DZIP1L: variants seen among roughly 807,000 people sequenced by gnomAD.
DZIP1L encodes DAZ interacting zinc finger protein 1 like, also known as cilium assembly protein DZIP1L.
In DZIP1L, 90 loss-of-function variants were observed where a neutral mutation model predicts 88.7. The observed-to-expected ratio is 1.02, with a 90% CI of 0.86 to 1.21. The LOEUF (loss-of-function observed/expected upper bound fraction) is 1.21. Ranked by LOEUF, DZIP1L falls within the 50% of genes most tolerant of loss-of-function variation. The pLI is 0.00. For synonymous variants in DZIP1L, 363 were observed against 372.1 expected, an observed-to-expected ratio of 0.98 and a Z score of 0.28; for missense variants, 932 against 955.8, an observed-to-expected ratio of 0.98 and a Z score of 0.33.
At position 138,084,024 on chromosome 3, in the gene DZIP1L, A is replaced by T. The variant is rs1222176449; in HGVS notation, c.1203+89T>A. ...AAGGAGCCTGAGTGGTAAGACTAGC[A>T]CTGATGAGCCCAAAAGAATCCAAGG... is the stretch of plus-strand genomic sequence containing the variant. On this transcript the variant is annotated intron_variant, in intron 8 of 15. Coordinates refer to ENST00000327532, the MANE Select transcript of DZIP1L (RefSeq NM_173543.3). 7.8e-6 allele frequency: 12 copies of T among 1,540,212 alleles called. No homozygotes were observed. In the African/African-American group the frequency reaches 1.5e-4, roughly 19 times the overall value.
At chr3:138,068,080 C>T in intron 13 of DZIP1L, 71 bp downstream of exon 13, 1 of 1,338,420 alleles carries the variant, frequency 7.5e-7, no homozygotes, top group Non-Finnish European at 9.8e-7. Flanking sequence ...TGGAGGGAGC[C>T]CAGAACAGGA....
chr3:138,074,651 C>T (rs1329123320), intron 11 of DZIP1L, among the ~76,000 whole-genome samples: 2 of 148,558 alleles, frequency 1.3e-5, no homozygotes, highest in Admixed American at 1.3e-4. Context: ...CACATGTATA[C>T]AGAAACAAAT....
At chr3:138,080,051 G>C (rs1943575297) in intron 10 of DZIP1L, among the ~76,000 whole-genome samples, 1 of 152,144 alleles carries the variant, frequency 6.6e-6, no homozygotes, top group East Asian at 1.9e-4. Flanking sequence ...GCGAATCAGA[G>C]TCAATCACTG....
In DZIP1L at chr3:138,077,642, G is replaced by A; in HGVS notation, c.1289-10C>T. ...TGGGAGTCCTCCATCTCTGTAGCATGAGACATTCACCCAGATCAGCCTGGG... is the reference window on the plus strand; with the variant it reads ...TGGGAGTCCTCCATCTCTGTAGCATAAGACATTCACCCAGATCAGCCTGGG... On this transcript the variant is annotated splice_polypyrimidine_tract_variant and intron_variant, in intron 10 of 15. Transcript: ENST00000327532. The A allele has an allele frequency of 2.5e-6, 4 of 1,613,848 alleles. No individual in the cohort carries two copies. Among genetic ancestry groups the A allele is most frequent in the Non-Finnish European group, 3.4e-6 (4 of 1,179,906 alleles).
chr3:138,090,406 G>A (rs1944152824), intron 5 of DZIP1L, among the ~76,000 whole-genome samples: 1 of 152,170 alleles, frequency 6.6e-6, no homozygotes, highest in South Asian at 2.1e-4. Context: ...AAGTGTGGGG[G>A]TCAGGAGATG....
At chr3:138,115,153 A>T (rs2042671840) in intron 1 of DZIP1L, among the ~76,000 whole-genome samples, 175 bp downstream of exon 1, 1 of 152,026 alleles carries the variant, frequency 6.6e-6, no homozygotes, top group Non-Finnish European at 1.5e-5. Context: ...CGCCCTGGGC[A>T]GCGCGGACGC....
At chr3:138,095,231 T>C (rs59699263) in intron 3 of DZIP1L, among the ~76,000 whole-genome samples, 3,891 of 152,312 alleles carry the variant, frequency 0.026, 155 homozygotes, top group African/African-American at 0.088. Context: ...GTGCTTAGCA[T>C]AGTGTCTGGC....
chr3:138,089,095 A>C (rs1200460095), intron 5 of DZIP1L: 1 of 985,338 alleles, frequency 1.0e-6, no homozygotes, highest in African/African-American at 1.7e-5. Flanking sequence ...TGACTGTCGT[A>C]GTAACAAAAG....
intron 8 of DZIP1L, 131 bp downstream of exon 8, chr3:138,083,982 G>T: frequency 7.7e-7 from 1 of 1,303,798 alleles, no homozygotes; most frequent in Non-Finnish European, 1.0e-6. Flanking sequence ...CATGCCAGAG[G>T]ACTCTTCTCT....
At chr3:138,111,736 T>A (rs1390208531) in intron 1 of DZIP1L, among the ~76,000 whole-genome samples, 1 of 152,192 alleles carries the variant, frequency 6.6e-6, no homozygotes, top group Non-Finnish European at 1.5e-5. Flanking sequence ...GGCTCACACC[T>A]GTAATCCCAG....
chr3:138,074,937 T>C (rs114456674), intron 11 of DZIP1L, among the ~76,000 whole-genome samples: 3,329 of 151,678 alleles, frequency 0.022, 120 homozygotes, highest in African/African-American at 0.077. Flanking sequence ...TCACACAAAC[T>C]TAAGGTAAAG....
In DZIP1L at chr3:138,063,028, T is replaced by C; in HGVS notation, c.2143-51A>G. 3 of 1,584,062 alleles carry C rather than the reference T, an allele frequency of 1.9e-6. No homozygotes were observed. Among genetic ancestry groups the C allele is most frequent in the Non-Finnish European group, 2.6e-6 (3 of 1,161,076 alleles). On this transcript the variant is annotated intron_variant, in intron 15 of 15. Coordinates refer to ENST00000327532, the MANE Select transcript of DZIP1L (RefSeq NM_173543.3). This position sits in a 1 kb window ranked among gnomAD's most constrained non-coding sequence, Gnocchi z 4.1. ...AATGCATTTTGATAAGGGAGGAGGG[T>C]GGCTGAGAGCTAAGCACATTGCAGG...
chr3:138,093,486 G>C (rs2107812567), intron 4 of DZIP1L, among the ~76,000 whole-genome samples: 1 of 152,300 alleles, frequency 6.6e-6, no homozygotes, highest in East Asian at 1.9e-4. Context: ...AGCTGTATTA[G>C]ACCCTAAAAA....
Position 138,081,717 on chromosome 3 carries a change from C to T in DZIP1L, c.1234+17G>A, listed in dbSNP as rs1244732454. On this transcript the variant is annotated intron_variant, in intron 9 of 15. Transcript: ENST00000327532. ...AATAGTCAAGACTGCTACACACTGCCCTGTGTAGACACTTACCTTCCACCT... is the reference window on the plus strand; with the variant it reads ...AATAGTCAAGACTGCTACACACTGCTCTGTGTAGACACTTACCTTCCACCT... The T allele has an allele frequency of 1.2e-6, 2 of 1,611,298 alleles. No homozygotes were observed. Among genetic ancestry groups the T allele is most frequent in the East Asian group, 4.5e-5 (2 of 44,774 alleles).
At chr3:138,103,044 T>TTGTCAGCAGGTGAC (rs2042368606) in intron 2 of DZIP1L, 1 of 432,684 alleles carries the variant, frequency 2.3e-6, no homozygotes, top group African/African-American at 2.0e-5. Context: ...GTTGTATCCT[T>TTGTCAGCAGGTGAC]TATAACATAG....
Position 138,062,845 on chromosome 3 carries a change from AGCTCTGTGGACCAGT to A in DZIP1L, c.2260_2274del (p.Thr754_Ser758del). 1 of 1,614,160 alleles carries A rather than the reference AGCTCTGTGGACCAGT, an allele frequency of 6.2e-7. No homozygotes were observed. Among genetic ancestry groups the A allele is most frequent in the East Asian group, 2.2e-5 (1 of 44,876 alleles). On this transcript the variant is annotated inframe_deletion, in exon 16 of 16. Transcript: ENST00000327532. ...CAGGCAGGGACCCTGGGTTGGCCAGAGCTCTGTGGACCAGTGCCAAACTTCTCTGGGAGCTTTGAG... is the reference window on the plus strand; with the variant it reads ...CAGGCAGGGACCCTGGGTTGGCCAGAGCCAAACTTCTCTGGGAGCTTTGAG...
rs73867013 is a variant in DZIP1L, at chr3:138,082,918, T to A, written c.1204-1154A>T. The stretch of plus-strand genomic sequence containing the variant: ...GGGCTACAGTAGTCTGCTTGCAACA[T>A]GAAAGTGAAGCGGTAAACAAAAGTC... On this transcript the variant is annotated intron_variant, in intron 8 of 15. Coordinates refer to ENST00000327532, the MANE Select transcript of DZIP1L (RefSeq NM_173543.3). Among the ~76,000 whole-genome samples, 416 of 152,268 alleles carry A rather than the reference T, an allele frequency of 2.7e-3. 3 individuals are homozygous for A. Among genetic ancestry groups the A allele is most frequent in the African/African-American group, 8.7e-3 (361 of 41,536 alleles).
rs190630707 is a variant in DZIP1L, at chr3:138,069,949, G to A, written c.1616-1582C>T. On this transcript the variant is annotated intron_variant, in intron 12 of 15. Coordinates refer to ENST00000327532, the MANE Select transcript of DZIP1L (RefSeq NM_173543.3). Reference sequence around the variant, plus strand: ...CTCACAACTCAGTAACATCTCCAGAGAAGGCAGAACCCCAGGGCCAGGGAA... The same window carrying A: ...CTCACAACTCAGTAACATCTCCAGAAAAGGCAGAACCCCAGGGCCAGGGAA... Among the ~76,000 whole-genome samples, 129 of 152,336 alleles carry A rather than the reference G, an allele frequency of 8.5e-4. 3 individuals are homozygous for A. The East Asian group carries it at 0.013, about 15-fold the overall frequency.
intron 4 of DZIP1L, 101 bp downstream of exon 4, chr3:138,094,761 G>C (rs1413209211): frequency 6.5e-7 from 1 of 1,541,404 alleles, no homozygotes; most frequent in Non-Finnish European, 8.8e-7. Flanking sequence ...CCAGCTCTGG[G>C]AAACTAGCTG....
Sources: allele counts gnomAD v4.1 joint callset (sites outside exome capture counted in the v4.1 genomes callset), GRCh38; gene constraint gnomAD v4.1.1; non-coding constraint Gnocchi (gnomAD v3.1); transcripts MANE v1.5; gene names NCBI Gene and HGNC (gene_info 2026-07-23, HGNC 2026-07-21).